The following PNLIPRP3 variants were observed in gnomAD, a reference collection of about 807,000 sequenced individuals.
PNLIPRP3 encodes pancreatic lipase-related protein 3.
PNLIPRP3 carries 58 observed loss-of-function variants against 52.8 expected under a neutral mutation model. The observed-to-expected ratio is 1.10, with a 90% CI of 0.89 to 1.37. The LOEUF (loss-of-function observed/expected upper bound fraction) is 1.37. Ranked by LOEUF, PNLIPRP3 falls within the 40% of genes most tolerant of loss-of-function variation. The pLI is 0.00. For synonymous variants in PNLIPRP3, 192 were observed against 185.0 expected (o/e 1.04, Z -0.31); for missense variants, 593 against 561.6 (o/e 1.06, Z -0.57).
At chr10:116,463,823 T>A (rs988278278) in intron 7 of PNLIPRP3, among the ~76,000 whole-genome samples, 5 of 152,126 alleles carry the variant, frequency 3.3e-5, no homozygotes, top group African/African-American at 1.2e-4. Context: ...AGTAAAAATA[T>A]TGTTATGTAA....
intron 7 of PNLIPRP3, among the ~76,000 whole-genome samples, chr10:116,465,275 C>T (rs1846261125): frequency 6.6e-6 from 1 of 152,080 alleles, no homozygotes; most frequent in South Asian, 2.1e-4. Context: ...TGCGGTGGCT[C>T]ACACCTGCAA....
In PNLIPRP3 at chr10:116,471,846, C is replaced by T; in HGVS notation, c.1139C>T (p.Ala380Val). ...QGTVFLRVGG[A>V]VRKTGEFAIV... ...ACTGTCTTTCTTCGTGTAGGCGGGG[C>T]AGTTAGGAAAACTGGGGAGTTTGCC... Residue 380 changes from alanine to valine, a missense_variant, in exon 10 of 12, where the codon GCA becomes GTA. By Grantham distance (64) the Ala-to-Val change is moderately conservative. Coordinates refer to ENST00000369230, the MANE Select transcript of PNLIPRP3 (RefSeq NM_001011709.3). 6.3e-7 allele frequency: 1 copy of T among 1,596,030 alleles called. No individual in the cohort carries two copies. The highest frequency in any genetic ancestry group is 8.5e-7 in the Non-Finnish European group (1 of 1,173,674).
At chr10:116,460,915 C>A in intron 5 of PNLIPRP3, 51 bp from the exon 6 acceptor site, 1 of 1,585,732 alleles carries the variant, frequency 6.3e-7, no homozygotes, top group Non-Finnish European at 8.6e-7. Flanking sequence ...AAAGTAACAA[C>A]AATATTAATG....
chr10:116,443,874 A>G (rs371783838), intron 3 of PNLIPRP3, among the ~76,000 whole-genome samples: 44 of 142,746 alleles, frequency 3.1e-4, no homozygotes, highest in African/African-American at 1.1e-3. Context: ...TATATGGGTT[A>G]GGACAGAGCT....
At chr10:116,440,200 A>T (rs1845837087) in intron 2 of PNLIPRP3, among the ~76,000 whole-genome samples, 1 of 152,142 alleles carries the variant, frequency 6.6e-6, no homozygotes. Context: ...CTTCACTCTT[A>T]GGACTCATCA....
intron 7 of PNLIPRP3, among the ~76,000 whole-genome samples, chr10:116,463,276 G>C (rs1564702708): frequency 6.6e-6 from 1 of 152,180 alleles, no homozygotes; most frequent in Non-Finnish European, 1.5e-5. Context: ...CTGAGATTCT[G>C]CTTCGTGTGG....
intron 4 of PNLIPRP3, among the ~76,000 whole-genome samples, chr10:116,450,546 C>G (rs1280198376): frequency 6.6e-6 from 1 of 151,712 alleles, no homozygotes; most frequent in African/African-American, 2.4e-5. Flanking sequence ...AAAAGATGAA[C>G]AACATTTACA....
Position 116,441,497 on chromosome 10 carries a change from G to C in PNLIPRP3, c.205-1558G>C, listed in dbSNP as rs150400330. Among the ~76,000 whole-genome samples the C allele has an allele frequency of 7.0e-3, 1,061 of 152,270 alleles. 12 individuals are homozygous for C. Among genetic ancestry groups the C allele is most frequent in the African/African-American group, 0.022 (904 of 41,574 alleles). On this transcript the variant is annotated intron_variant, in intron 2 of 11. Coordinates refer to ENST00000369230, the MANE Select transcript of PNLIPRP3 (RefSeq NM_001011709.3). ...CAGCTGGGCCTAAGAGAGTTGAAAT[G>C]AGTGAGCACCTGGATTATCTTAGAG...
At chr10:116,430,693 A>G (rs1419267824) in intron 1 of PNLIPRP3, among the ~76,000 whole-genome samples, 3 of 152,216 alleles carry the variant, frequency 2.0e-5, no homozygotes, top group African/African-American at 4.8e-5. Flanking sequence ...TAAAATTTAG[A>G]TAATACATAT....
At chr10:116,454,055 T>C (rs74845437) in intron 4 of PNLIPRP3, among the ~76,000 whole-genome samples, 1,874 of 152,160 alleles carry the variant, frequency 0.012, 76 homozygotes, top group East Asian at 0.1. Context: ...TGTTCTGGTG[T>C]TAGTTTGCTG....
chr10:116,464,032 C>A (rs1369678911), intron 7 of PNLIPRP3, among the ~76,000 whole-genome samples: 1 of 151,974 alleles, frequency 6.6e-6, no homozygotes, highest in African/African-American at 2.4e-5. Flanking sequence ...GAATAAATGA[C>A]TAGAATGTTA....
chr10:116,473,106 C>T (rs1177014156), intron 10 of PNLIPRP3, among the ~76,000 whole-genome samples: 1 of 152,198 alleles, frequency 6.6e-6, no homozygotes, highest in East Asian at 1.9e-4. Context: ...AGAGCGTTTC[C>T]ACATCTCTGT....
chr10:116,471,790 T>C lies in PNLIPRP3; in HGVS notation c.1083T>C (p.Val361=). 2.5e-6 allele frequency: 4 copies of C among 1,611,458 alleles called. No homozygotes were observed. The highest frequency in any genetic ancestry group is 2.5e-6 in the Non-Finnish European group (3 of 1,177,926). ...TAGGTTGGAGGCACAAATTGTCTGT[T>C]AAACTCAGTGGAAGCGAAGTCACTC... is the stretch of plus-strand genomic sequence containing the variant. ...PFARWRHKLS[V]KLSGSEVTQG... is the part of the protein sequence containing the mutation. The change falls in exon 10 of 12, where the codon GTT becomes GTC. Residue 361 remains valine (V), a synonymous_variant. Coordinates refer to ENST00000369230, the MANE Select transcript of PNLIPRP3 (RefSeq NM_001011709.3).
At chr10:116,433,929 AG>A (rs1325552714) in intron 1 of PNLIPRP3, among the ~76,000 whole-genome samples, 2 of 152,246 alleles carry the variant, frequency 1.3e-5, no homozygotes, top group Admixed American at 6.5e-5. Context: ...ACCTAGCAAA[AG>A]CTAGGCTATA....
intron 10 of PNLIPRP3, among the ~76,000 whole-genome samples, chr10:116,475,184 C>A (rs559398516): frequency 5.3e-5 from 8 of 152,104 alleles, no homozygotes; most frequent in Admixed American, 5.2e-4. Context: ...AATGCAGGAA[C>A]AGGAAACCAA....
At chr10:116,441,784 C>T (rs1845862367) in intron 2 of PNLIPRP3, among the ~76,000 whole-genome samples, 1 of 152,176 alleles carries the variant, frequency 6.6e-6, no homozygotes, top group Non-Finnish European at 1.5e-5. Context: ...TACTTGGCCC[C>T]TCAGAGTCCC....
chr10:116,468,756 G>A (rs1846319600), intron 8 of PNLIPRP3, among the ~76,000 whole-genome samples: 1 of 152,198 alleles, frequency 6.6e-6, no homozygotes, highest in African/African-American at 2.4e-5. Flanking sequence ...TGGGAATGCA[G>A]TGAAGAACAA....
intron 9 of PNLIPRP3, 70 bp from the exon 10 acceptor site, chr10:116,471,698 C>A: frequency 8.7e-7 from 1 of 1,155,312 alleles, no homozygotes; most frequent in Non-Finnish European, 1.3e-6. Context: ...ATTAAAGGAT[C>A]CAGGAAGTCA....
intron 4 of PNLIPRP3, among the ~76,000 whole-genome samples, chr10:116,454,481 A>G (rs1478015395): frequency 3.3e-5 from 5 of 152,222 alleles, no homozygotes; most frequent in African/African-American, 7.2e-5. Flanking sequence ...GAAATATACA[A>G]TGCATTACTA....
Sources: gnomAD v4.1 joint callset for allele counts (sites outside exome capture counted in the v4.1 genomes callset) on GRCh38, gnomAD v4.1.1 for gene constraint, MANE v1.5 for transcripts, NCBI Gene and HGNC (gene_info 2026-07-23, HGNC 2026-07-21) for gene names.